Variants in LHX8 observed in about 807,000 individuals in gnomAD.
The protein encoded by LHX8 is LIM/homeobox protein Lhx8.
Under a neutral mutation model 40.3 loss-of-function variants are expected in LHX8, and 12 were observed. The observed-to-expected ratio is 0.30, with a 90% CI of 0.19 to 0.48. LHX8 has a LOEUF of 0.48. Ranked by LOEUF, LHX8 falls within the 20% of genes least tolerant of loss-of-function variation. The pLI is 0.99. For synonymous variants in LHX8, 179 were observed against 162.0 expected (o/e 1.10, Z -0.80); for missense variants, 344 against 433.7 (o/e 0.79, Z 1.84).
At chr1:75,196,697 A>G in the LHX8 span, among the ~76,000 whole-genome samples, 1 of 152,182 alleles carries the variant, frequency 6.6e-6, no homozygotes, top group African/African-American at 2.4e-5. Flanking sequence ...CCTAAGCTTC[A>G]TATTAAGAGA....
chr1:75,177,116 C>T, the LHX8 span, among the ~76,000 whole-genome samples: 22 of 152,128 alleles, frequency 1.4e-4, no homozygotes, highest in Non-Finnish European at 2.6e-4. Flanking sequence ...GTGATGCCTC[C>T]AGCTTTGTTC....
the LHX8 span, among the ~76,000 whole-genome samples, chr1:75,172,616 T>C: frequency 6.6e-6 from 1 of 152,234 alleles, no homozygotes. Context: ...GGTTGGGACA[T>C]ATTTTCCTGA....
At chr1:75,137,487 A>C (rs1174777117) in intron 3 of LHX8, among the ~76,000 whole-genome samples, 1 of 152,192 alleles carries the variant, frequency 6.6e-6, no homozygotes. Flanking sequence ...TGTGTGACAC[A>C]TCCTGGTCTG....
At chr1:75,143,095 T>G in intron 4 of LHX8, 23 bp from the exon 5 acceptor site, 1 of 1,594,204 alleles carries the variant, frequency 6.3e-7, no homozygotes, top group Non-Finnish European at 8.6e-7. Context: ...AATATTTACC[T>G]TCCACACCTC....
intron 6 of LHX8, among the ~76,000 whole-genome samples, chr1:75,146,709 TTG>T (rs1327300077): frequency 6.6e-6 from 1 of 152,106 alleles, no homozygotes; most frequent in African/African-American, 2.4e-5. Context: ...TTTTTTCTTT[TTG>T]TGTGTGTGAG....
At chr1:75,154,637 G>T (rs1204538724) in intron 7 of LHX8, among the ~76,000 whole-genome samples, 8 of 152,188 alleles carry the variant, frequency 5.3e-5, no homozygotes, top group Admixed American at 3.9e-4. Context: ...CATCCTATTT[G>T]GGTGAGACTA....
downstream of LHX8, among the ~76,000 whole-genome samples, chr1:75,164,280 G>A (rs1299436744): frequency 1.3e-5 from 2 of 151,946 alleles, no homozygotes; most frequent in African/African-American, 2.4e-5. Context: ...TACAAACATA[G>A]AAATTAAAAA....
the LHX8 span, among the ~76,000 whole-genome samples, chr1:75,173,525 G>A: frequency 2.3e-3 from 345 of 151,788 alleles, 2 homozygotes; most frequent in African/African-American, 7.8e-3. Context: ...TGGGACTTCA[G>A]GCGCCCACCA....
chr1:75,190,952 CTGTT>C, the LHX8 span, among the ~76,000 whole-genome samples: 3 of 152,124 alleles, frequency 2.0e-5, no homozygotes, highest in Non-Finnish European at 4.4e-5. Flanking sequence ...TTACATGACT[CTGTT>C]TGTTAAAATT....
intron 7 of LHX8, among the ~76,000 whole-genome samples, chr1:75,151,253 T>C (rs141921987): frequency 6.6e-6 from 1 of 152,336 alleles, no homozygotes; most frequent in East Asian, 1.9e-4. Flanking sequence ...AGTGTTTTAA[T>C]TGACTGCAAG....
At chr1:75,173,869 C>A in the LHX8 span, among the ~76,000 whole-genome samples, 2 of 152,144 alleles carry the variant, frequency 1.3e-5, no homozygotes, top group Admixed American at 1.3e-4. Context: ...ACCATGGTAG[C>A]TTCTGGGATC....
At chr1:75,163,185 GTAAATTATAAGTA>G (rs1169547961), downstream of LHX8, among the ~76,000 whole-genome samples, 2 of 152,106 alleles carry the variant, frequency 1.3e-5, no homozygotes, top group African/African-American at 4.8e-5. Context: ...ATCACTCGTT[GTAAATTATAAGTA>G]CACCTGTTTT....
chr1:75,135,847 C>G (rs1312650647), intron 1 of LHX8, among the ~76,000 whole-genome samples: 3 of 152,218 alleles, frequency 2.0e-5, no homozygotes, highest in African/African-American at 7.2e-5. Context: ...AAAAATAATC[C>G]TTTAGTAGCT....
chr1:75,151,335 T>A (rs1648606228), intron 7 of LHX8, among the ~76,000 whole-genome samples: 1 of 152,164 alleles, frequency 6.6e-6, no homozygotes, highest in Admixed American at 6.5e-5. Flanking sequence ...TTGTGCTTAT[T>A]TCAGAGTGCC....
Position 75,143,906 on chromosome 1 carries a change from A to G in LHX8, c.642A>G (p.Pro214=). The change falls in exon 6 of 9, where the codon CCA becomes CCG. Residue 214 remains proline, a synonymous_variant. Coordinates refer to ENST00000356261, the MANE Select transcript of LHX8 (RefSeq NM_001256114.2). ...LTEQDVNHPK[P]AKRARTSFTA... is the part of the protein sequence containing the mutation. ...AGCAAGATGTTAACCATCCAAAACC[A>G]GCAAAAAGAGCTCGGACCAGCTTTA... is the stretch of plus-strand genomic sequence containing the variant. The G allele has an allele frequency of 6.2e-7, 1 of 1,613,438 alleles. No homozygotes were observed. The highest frequency in any genetic ancestry group is 2.2e-5 in the East Asian group (1 of 44,846).
At chr1:75,193,242 T>C in the LHX8 span, among the ~76,000 whole-genome samples, 1 of 152,298 alleles carries the variant, frequency 6.6e-6, no homozygotes, top group East Asian at 1.9e-4. Flanking sequence ...TAGCTTAAAG[T>C]GTCAGCTGCC....
At chr1:75,143,412 T>A (rs1648373857) in intron 5 of LHX8, 74 bp downstream of exon 5, 1 of 1,051,630 alleles carries the variant, frequency 9.5e-7, no homozygotes, top group Non-Finnish European at 1.4e-6. Context: ...TTTCCTAAGG[T>A]CATCTTAATG....
In LHX8 at chr1:75,161,184, A is replaced by C. The variant is rs1219296563; in HGVS notation, c.*289A>C. The stretch of plus-strand genomic sequence containing the variant: ...ATCTGTTAATTTATTTGTCATCAAA[A>C]GAGCACTTTGCCTAAAAGAAAGGAC... On this transcript the variant is annotated 3_prime_UTR_variant, in exon 9 of 9. Coordinates refer to ENST00000356261, the MANE Select transcript of LHX8 (RefSeq NM_001256114.2). 2.9e-6 allele frequency: 1 copy of C among 349,520 alleles called. No individual in the cohort carries two copies. Among genetic ancestry groups the C allele is most frequent in the African/African-American group, 2.1e-5 (1 of 47,280 alleles). 21.7% of individuals were successfully genotyped at this position (349,520 alleles called of 1,614,324 possible). A position where few individuals can be genotyped will look rare whatever the true frequency, so the allele number is the denominator to read the frequency against.
upstream of LHX8, chr1:75,130,570 C>A: frequency 1.2e-6 from 1 of 806,488 alleles, no homozygotes; most frequent in Non-Finnish European, 2.2e-6. Flanking sequence ...GAGGCCCTCG[C>A]CCGCTTTTGG....
Sources: allele counts gnomAD v4.1 joint callset (sites outside exome capture counted in the v4.1 genomes callset), GRCh38; gene constraint gnomAD v4.1.1; transcripts MANE v1.5; gene names NCBI Gene and HGNC (gene_info 2026-07-23, HGNC 2026-07-21).